Variants in HIVEP3 observed in about 807,000 individuals in gnomAD.
HIVEP3 encodes HIVEP zinc finger 3.
A neutral mutation model predicts 152.8 loss-of-function variants in HIVEP3; 49 were observed. The ratio of observed to expected loss-of-function variants is 0.32; its 90% CI spans 0.26 to 0.41. The LOEUF is 0.41. HIVEP3 is among the 10% of genes least tolerant of loss of function. HIVEP3 has a pLI of 1.00. For synonymous variants in HIVEP3, 1,269 were observed against 1,289.0 expected (o/e 0.98, Z 0.33); for missense variants, 2,790 against 3,103.3 (o/e 0.90, Z 2.40).
chr1:41,510,466 A>G lies in HIVEP3; in HGVS notation c.7206T>C (p.Val2402=), dbSNP rs961710117. The G allele has an allele frequency of 9.3e-6, 14 of 1,504,294 alleles. No individual in the cohort carries two copies. The highest frequency in any genetic ancestry group is 1.2e-5 in the Non-Finnish European group (14 of 1,124,072). The allele number at this position is 1,504,294 out of a possible 1,614,324, so 93.2% of individuals were successfully genotyped here. The change falls in exon 9 of 9, where the codon GTT becomes GTC. Residue 2402 remains valine (V), a synonymous_variant. Transcript: ENST00000372583. ...TGGAGAGAGGCTAAGCGTTGGGGGG[A>G]ACCCTGTCCTCAGGCTGATGTGGAT... ...RAHPHQPEDR[V]PPNA is the part of the protein sequence containing the mutation.
At position 41,510,911 on chromosome 1, in the gene HIVEP3, A is replaced by C. The variant is rs1644444401; in HGVS notation, c.6761T>G (p.Val2254Gly). 6.2e-7 allele frequency: 1 copy of C among 1,613,408 alleles called. No homozygotes were observed. Among genetic ancestry groups the C allele is most frequent in the Non-Finnish European group, 8.5e-7 (1 of 1,179,892 alleles). Residue 2254 changes from valine to glycine, a missense_variant, in exon 9 of 9, where the codon GTG (valine) becomes GGG (glycine). Coordinates refer to ENST00000372583, the MANE Select transcript of HIVEP3 (RefSeq NM_024503.5). ...WSPTESSSASVSPVAKVSKFT... is the reference protein window; with the variant it reads ...WSPTESSSASGSPVAKVSKFT... ...TTTGGAGACCTTAGCCACAGGCGAC[A>C]CGGAGGCTGACGAGCTCTCAGTGGG...
chr1:41,722,098 C>G (rs1646682044), intron 1 of HIVEP3, among the ~76,000 whole-genome samples: 3 of 152,216 alleles, frequency 2.0e-5, no homozygotes, highest in African/African-American at 7.2e-5. Context: ...CCTGGGATCT[C>G]TACCTCCCCA....
At chr1:41,669,577 G>C (rs1377235916) in intron 2 of HIVEP3, among the ~76,000 whole-genome samples, 1 of 152,142 alleles carries the variant, frequency 6.6e-6, no homozygotes, top group Non-Finnish European at 1.5e-5. Flanking sequence ...GGCTGAGTGG[G>C]AGGAAACTCC....
At position 41,628,792 on chromosome 1, in the gene HIVEP3, G is replaced by C. The variant is rs752036811; in HGVS notation, c.-565C>G. On this transcript the variant is annotated 5_prime_UTR_variant, in exon 3 of 9. Coordinates refer to ENST00000372583, the MANE Select transcript of HIVEP3 (RefSeq NM_024503.5). ...TTCCGATGACCAAAACTGAAACGCT[G>C]TTCTCTCTGAAAGCCAGCATTCATG... The C allele has an allele frequency of 8.1e-6, 10 of 1,231,958 alleles. No individual in the cohort carries two copies. Among genetic ancestry groups the C allele is most frequent in the Non-Finnish European group, 1.0e-5 (10 of 987,950 alleles). 76.3% of individuals were successfully genotyped at this position (1,231,958 alleles called of 1,614,324 possible). A position where few individuals can be genotyped will look rare whatever the true frequency, so the allele number is the denominator to read the frequency against.
intron 7 of HIVEP3, 23 bp downstream of exon 7, chr1:41,518,379 C>A: frequency 6.3e-7 from 1 of 1,595,970 alleles, no homozygotes; most frequent in Non-Finnish European, 8.6e-7. Context: ...GGAAAGGGGA[C>A]GGAGAAGGTT....
chr1:41,805,652 CA>C (rs1650560933), intron 1 of HIVEP3, among the ~76,000 whole-genome samples: 1 of 152,210 alleles, frequency 6.6e-6, no homozygotes, highest in Non-Finnish European at 1.5e-5. Context: ...GCATCCCAGG[CA>C]AGAGGATACG....
At chr1:41,976,124 G>A (rs1001935732) in intron 1 of HIVEP3, among the ~76,000 whole-genome samples, 1 of 151,986 alleles carries the variant, frequency 6.6e-6, no homozygotes, top group African/African-American at 2.4e-5. Flanking sequence ...ATGACCCACT[G>A]AAGTCAATGG....
At chr1:41,526,824 C>A (rs1400118035) in intron 5 of HIVEP3, among the ~76,000 whole-genome samples, 1 of 122,808 alleles carries the variant, frequency 8.1e-6, no homozygotes, top group Non-Finnish European at 1.8e-5. Context: ...CACCCCCCCA[C>A]ACTCCCTCAC....
chr1:41,529,864 C>T lies in HIVEP3; in HGVS notation c.5208-4954G>A, dbSNP rs1643190276. ...ACAGTCACCCCCACAGTCACACTTA[C>T]ATCCTCACACTCCCACTGATGCATA... On this transcript the variant is annotated intron_variant, in intron 5 of 8. Transcript: ENST00000372583. 1.4e-5 allele frequency among the ~76,000 whole-genome samples: 2 copies of T among 143,826 alleles called. 1 individual carries two copies. The highest frequency in any genetic ancestry group is 4.6e-4 in the South Asian group (2 of 4,368). The allele number at this position is 143,826 out of a possible 152,430, so 94.4% of individuals were successfully genotyped here. A position where few individuals can be genotyped will look rare whatever the true frequency, so the allele number is the denominator to read the frequency against.
At chr1:41,691,341 A>G (rs754978858) in intron 2 of HIVEP3, among the ~76,000 whole-genome samples, 13 of 152,224 alleles carry the variant, frequency 8.5e-5, no homozygotes, top group Admixed American at 7.8e-4. Context: ...AAGAGAAAAA[A>G]ATCCTCCCCT....
chr1:41,621,022 C>A (rs1645039780), intron 3 of HIVEP3, among the ~76,000 whole-genome samples: 1 of 152,182 alleles, frequency 6.6e-6, no homozygotes, highest in African/African-American at 2.4e-5. Flanking sequence ...ACAGTGTGAC[C>A]CTGGGCAAGT....
intron 5 of HIVEP3, among the ~76,000 whole-genome samples, chr1:41,557,841 C>G (rs1643991987): frequency 6.6e-6 from 1 of 152,182 alleles, no homozygotes; most frequent in South Asian, 2.1e-4. Context: ...TTGGCTTTGC[C>G]ACTGGGGAGA....
At chr1:41,656,766 CAG>C (rs1432812331) in intron 2 of HIVEP3, among the ~76,000 whole-genome samples, 1 of 152,178 alleles carries the variant, frequency 6.6e-6, no homozygotes, top group Non-Finnish European at 1.5e-5. Context: ...AAATGAAACA[CAG>C]AGAACTTAAA....
chr1:41,691,367 A>T (rs1448133400), intron 2 of HIVEP3, among the ~76,000 whole-genome samples: 1 of 152,224 alleles, frequency 6.6e-6, no homozygotes, highest in East Asian at 1.9e-4. Context: ...CCTGACTCAG[A>T]TAACTACTGA....
intron 2 of HIVEP3, among the ~76,000 whole-genome samples, chr1:41,696,437 G>T (rs1646275889): frequency 6.6e-6 from 1 of 152,248 alleles, no homozygotes; most frequent in South Asian, 2.1e-4. Context: ...TTTTAAGGTG[G>T]GATGCTTCTT....
intron 1 of HIVEP3, among the ~76,000 whole-genome samples, chr1:41,852,836 T>C (rs1643642408): frequency 6.6e-6 from 1 of 152,218 alleles, no homozygotes; most frequent in African/African-American, 2.4e-5. Context: ...TTCTTATCCT[T>C]TCTTCCAAGA....
intron 1 of HIVEP3, among the ~76,000 whole-genome samples, chr1:42,005,525 T>A (rs1249485700): frequency 6.6e-6 from 1 of 152,188 alleles, no homozygotes; most frequent in Non-Finnish European, 1.5e-5. Flanking sequence ...TCATTTATTT[T>A]GTAAAGGCTC....
intron 1 of HIVEP3, among the ~76,000 whole-genome samples, chr1:41,725,645 T>C (rs2124176892): frequency 6.6e-6 from 1 of 152,294 alleles, no homozygotes; most frequent in East Asian, 1.9e-4. Context: ...GGAAACTCCA[T>C]AAGAGGCAAG....
chr1:41,974,348 C>T (rs921583772), intron 1 of HIVEP3, among the ~76,000 whole-genome samples: 12 of 152,012 alleles, frequency 7.9e-5, no homozygotes, highest in Non-Finnish European at 1.8e-4. Context: ...CTCTTCCCTC[C>T]CGTTCCTGTC....
Sources: allele counts gnomAD v4.1 joint callset (sites outside exome capture counted in the v4.1 genomes callset), GRCh38; gene constraint gnomAD v4.1.1; transcripts MANE v1.5; gene names NCBI Gene and HGNC (gene_info 2026-07-23, HGNC 2026-07-21).